CCDC150: variants seen among roughly 807,000 people sequenced by gnomAD.
The protein encoded by CCDC150 is coiled-coil domain-containing protein 150.
CCDC150 carries 151 observed loss-of-function variants against 156.5 expected under a neutral mutation model. The observed-to-expected ratio is 0.97, with a 90% CI of 0.85 to 1.10. CCDC150 has a LOEUF of 1.10. CCDC150 is among the 50% of genes least tolerant of loss of function. The pLI is 0.00. For synonymous variants in CCDC150, 452 were observed against 429.4 expected, an observed-to-expected ratio of 1.05 and a Z score of -0.65; for missense variants, 1,312 against 1,268.1, an observed-to-expected ratio of 1.03 and a Z score of -0.53.
chr2:196,718,354 T>G (rs1697665391), intron 17 of CCDC150, 149 bp from the exon 18 acceptor site: 1 of 509,538 alleles, frequency 2.0e-6, no homozygotes, highest in South Asian at 4.3e-5. Context: ...GTAGTTTCCT[T>G]TAAAGGAATA....
intron 26 of CCDC150, 57 bp downstream of exon 26, chr2:196,731,002 G>C: frequency 7.7e-7 from 1 of 1,298,744 alleles, no homozygotes; most frequent in Non-Finnish European, 1.1e-6. Context: ...CAGCAACCCT[G>C]AAGCAACCCA....
At position 196,666,789 on chromosome 2, in the gene CCDC150, A is replaced by G. The variant is rs1693866883; in HGVS notation, c.833A>G (p.Gln278Arg). 2 of 1,613,300 alleles carry G rather than the reference A, an allele frequency of 1.2e-6. No homozygotes were observed. Among genetic ancestry groups the G allele is most frequent in the Non-Finnish European group, 1.7e-6 (2 of 1,179,524 alleles). ...CAGAGCGCTCAAGAACTACTGGCCCAGGAACAAAAAAAAAAAGAAGAGTTG... is the reference window on the plus strand; with the variant it reads ...CAGAGCGCTCAAGAACTACTGGCCCGGGAACAAAAAAAAAAAGAAGAGTTG... The part of the protein sequence containing the change: ...SIQSAQELLA[Q>R]EQKKKEELEI... The change falls in exon 7 of 28, where the codon CAG (glutamine) becomes CGG (arginine). Residue 278 changes from glutamine (Q) to arginine (R), a missense_variant. Transcript: ENST00000389175.
chr2:196,732,490 G>T lies in CCDC150; in HGVS notation c.3234G>T (p.Leu1078=), dbSNP rs778100925. ...KHDVMSNQSV[L]HRWERKQNLR... is the part of the protein sequence containing the mutation. ...ATGTCATGTCCAACCAATCTGTTCTGCATCGATGGGAGAGAAAACAGAATC... is the reference window on the plus strand; with the variant it reads ...ATGTCATGTCCAACCAATCTGTTCTTCATCGATGGGAGAGAAAACAGAATC... The change falls in exon 28 of 28, where the codon CTG becomes CTT. Residue 1078 remains leucine (L), a synonymous_variant. Transcript: ENST00000389175. 1.9e-6 allele frequency: 3 copies of T among 1,613,608 alleles called. No homozygotes were observed. The highest frequency in any genetic ancestry group is 2.5e-6 in the Non-Finnish European group (3 of 1,179,754).
chr2:196,727,409 A>G (rs1240499624), intron 22 of CCDC150: 2 of 152,120 alleles, frequency 1.3e-5, no homozygotes. Flanking sequence ...CCGTCTCAAA[A>G]AAAAAGAAAA....
At chr2:196,645,436 C>T (rs1394745792) in intron 1 of CCDC150, among the ~76,000 whole-genome samples, 2 of 152,154 alleles carry the variant, frequency 1.3e-5, no homozygotes, top group African/African-American at 4.8e-5. Context: ...CCAAGTTGGA[C>T]CCTTGTGAAC....
At position 196,695,173 on chromosome 2, in the gene CCDC150, G is replaced by T. The variant is rs770849959; in HGVS notation, c.1623+14G>T. On this transcript the variant is annotated intron_variant, in intron 14 of 27. Transcript: ENST00000389175. ...GATTACCATGGGGTGGGTATAAAAAGATCAGTCTAAATAGCAATTAATGAC... is the reference window on the plus strand; with the variant it reads ...GATTACCATGGGGTGGGTATAAAAATATCAGTCTAAATAGCAATTAATGAC... The T allele has an allele frequency of 6.9e-7, 1 of 1,441,634 alleles. No individual in the cohort carries two copies. 89.3% of individuals were successfully genotyped at this position (1,441,634 alleles called of 1,614,324 possible). A position where few individuals can be genotyped will look rare whatever the true frequency, so the allele number is the denominator to read the frequency against.
chr2:196,697,051 A>G (rs1284180967), intron 14 of CCDC150, among the ~76,000 whole-genome samples: 1 of 152,208 alleles, frequency 6.6e-6, no homozygotes, highest in Non-Finnish European at 1.5e-5. Context: ...AATAATTACT[A>G]CATTGATTAG....
At chr2:196,717,630 G>C (rs1027229563) in intron 17 of CCDC150, among the ~76,000 whole-genome samples, 4 of 152,120 alleles carry the variant, frequency 2.6e-5, no homozygotes, top group Non-Finnish European at 5.9e-5. Context: ...GGTTTCTCGC[G>C]CCTGTAACCC....
intron 13 of CCDC150, among the ~76,000 whole-genome samples, chr2:196,683,817 C>T (rs1694977619): frequency 6.6e-6 from 1 of 151,824 alleles, no homozygotes; most frequent in Non-Finnish European, 1.5e-5. Flanking sequence ...CAGAGTAGCC[C>T]CTTGTCTTTC....
intron 15 of CCDC150, among the ~76,000 whole-genome samples, chr2:196,706,905 T>C (rs1696689329): frequency 1.3e-5 from 2 of 152,200 alleles, no homozygotes; most frequent in South Asian, 2.1e-4. Context: ...CTGCTGGATT[T>C]GTTTTGCCAG....
intron 5 of CCDC150, among the ~76,000 whole-genome samples, chr2:196,665,194 A>G (rs1693772696): frequency 1.3e-5 from 2 of 152,152 alleles, no homozygotes; most frequent in Admixed American, 1.3e-4. Context: ...TGCAACACAC[A>G]TACATATACA....
At chr2:196,654,745 TTTATC>T (rs1417738819) in intron 2 of CCDC150, among the ~76,000 whole-genome samples, 3 of 152,202 alleles carry the variant, frequency 2.0e-5, no homozygotes, top group Non-Finnish European at 2.9e-5. Context: ...TTTCTTGAGA[TTTATC>T]TTATTCTTTT....
intron 13 of CCDC150, among the ~76,000 whole-genome samples, chr2:196,692,874 TTG>T (rs1374810466): frequency 2.6e-5 from 4 of 152,200 alleles, no homozygotes; most frequent in African/African-American, 9.7e-5. Flanking sequence ...CTGAATATCT[TTG>T]TTCATTTTGT....
chr2:196,650,611 C>T (rs940190771), intron 2 of CCDC150, among the ~76,000 whole-genome samples: 1 of 152,184 alleles, frequency 6.6e-6, no homozygotes, highest in Non-Finnish European at 1.5e-5. Context: ...TCAGGCTGAT[C>T]TCAAACTCCT....
At chr2:196,718,852 G>T (rs576220303) in intron 18 of CCDC150, among the ~76,000 whole-genome samples, 4 of 151,526 alleles carry the variant, frequency 2.6e-5, no homozygotes, top group African/African-American at 9.7e-5. Flanking sequence ...TTAACTTTCT[G>T]TCTTAAATAC....
In CCDC150 at chr2:196,702,063, C is replaced by G. The variant is rs371985759; in HGVS notation, c.1695+883C>G. Reference sequence around the variant, plus strand: ...TGGGCAATATAGCAAGACCCTGACTCTACAAAAATTAAATAAATAAAAATT... The same window carrying G: ...TGGGCAATATAGCAAGACCCTGACTGTACAAAAATTAAATAAATAAAAATT... On this transcript the variant is annotated intron_variant, in intron 15 of 27. Transcript: ENST00000389175. 1.8e-4 allele frequency among the ~76,000 whole-genome samples: 28 copies of G among 152,124 alleles called. No homozygotes were observed. In the East Asian group the frequency reaches 5.2e-3, roughly 28 times the overall value.
chr2:196,692,413 C>T (rs112221484), intron 13 of CCDC150, among the ~76,000 whole-genome samples: 13,719 of 152,024 alleles, frequency 0.09, 783 homozygotes, highest in African/African-American at 0.17. Flanking sequence ...GGATTACAGG[C>T]GTGAGCCACC....
At chr2:196,685,778 A>AT (rs569596845) in intron 13 of CCDC150, among the ~76,000 whole-genome samples, 7 of 151,274 alleles carry the variant, frequency 4.6e-5, no homozygotes, top group South Asian at 2.1e-4. Context: ...CGCCTGGCTA[A>AT]TTTTTTTTGT....
Position 196,729,396 on chromosome 2 carries a change from G to C in CCDC150, c.2751+9G>C. The C allele has an allele frequency of 6.2e-7, 1 of 1,612,842 alleles. No homozygotes were observed. Among genetic ancestry groups the C allele is most frequent in the Non-Finnish European group, 8.5e-7 (1 of 1,179,030 alleles). ...ATATAGAAAGGATGAAGGTTGTATGGGAAACCTCTTCTCACTTCCTGGATA... is the reference window on the plus strand; with the variant it reads ...ATATAGAAAGGATGAAGGTTGTATGCGAAACCTCTTCTCACTTCCTGGATA... On this transcript the variant is annotated intron_variant, in intron 23 of 27. Coordinates refer to ENST00000389175, the MANE Select transcript of CCDC150 (RefSeq NM_001080539.2).
Sources: gnomAD v4.1 joint callset for allele counts (sites outside exome capture counted in the v4.1 genomes callset) on GRCh38, gnomAD v4.1.1 for gene constraint, MANE v1.5 for transcripts, NCBI Gene and HGNC (gene_info 2026-07-23, HGNC 2026-07-21) for gene names.